The following LCT variants were observed in gnomAD, a reference collection of about 807,000 sequenced individuals.
LCT encodes the protein lactase/phlorizin hydrolase.
A neutral mutation model predicts 173.0 loss-of-function variants in LCT; 90 were observed. That is an observed-to-expected ratio of 0.52 (90% CI 0.44 to 0.62). The LOEUF (loss-of-function observed/expected upper bound fraction) is 0.62. LCT is among the 20% of genes least tolerant of loss of function. The probability of loss-of-function intolerance (pLI) is 0.00; values close to 1 mark genes in which losing one functional copy is unlikely to be tolerated. For missense variants in LCT, 1,864 were observed against 2,431.4 expected, an observed-to-expected ratio of 0.77 and a Z score of 4.91; for synonymous variants, 853 against 957.6, an observed-to-expected ratio of 0.89 and a Z score of 2.02.
intron 13 of LCT, among the ~76,000 whole-genome samples, chr2:135,797,052 A>T (rs2077587762): frequency 6.6e-6 from 1 of 151,336 alleles, no homozygotes; most frequent in African/African-American, 2.4e-5. Context: ...AGCTCAAGCA[A>T]TTCTCTGGCC....
intron 3 of LCT, among the ~76,000 whole-genome samples, chr2:135,825,763 G>A (rs1401712715): frequency 6.6e-6 from 1 of 152,208 alleles, no homozygotes; most frequent in South Asian, 2.1e-4. Context: ...CAGGTGCTCC[G>A]GGGAGAGGGT....
In LCT at chr2:135,834,787, C is replaced by CA. The variant is rs60298631; in HGVS notation, c.641-1598dup. On this transcript the variant is annotated intron_variant, in intron 1 of 16. Transcript: ENST00000264162. ...TGGACAAAAGAGTGAGACTCCATCT[C>CA]AAAAAAAAAAAAAAAAAAAAAAAGA... Among the ~76,000 whole-genome samples the CA allele has an allele frequency of 1.2e-3, 40 of 34,180 alleles. 8 individuals are homozygous for CA. The East Asian group carries it at 0.052, about 44-fold the overall frequency. 22.4% of individuals were successfully genotyped at this position (34,180 alleles called of 152,430 possible).
chr2:135,829,020 G>A (rs1228842441), intron 3 of LCT, among the ~76,000 whole-genome samples: 4 of 152,046 alleles, frequency 2.6e-5, no homozygotes, highest in African/African-American at 9.7e-5. Flanking sequence ...GTGAATCCTT[G>A]CCTCTACCAA....
chr2:135,835,845 G>T (rs1679333217), intron 1 of LCT, among the ~76,000 whole-genome samples: 1 of 150,746 alleles, frequency 6.6e-6, no homozygotes, highest in Non-Finnish European at 1.5e-5. Context: ...AGCCGAGGGG[G>T]AAGGACAGGA....
Position 135,812,421 on chromosome 2 carries a change from A to G in LCT, c.2243T>C (p.Val748Ala). Residue 748 changes from valine (V) to alanine (A), a missense_variant, in exon 7 of 17, where the codon GTT becomes GCT. Val to Ala is a moderately conservative substitution (Grantham distance 64). Transcript: ENST00000264162. ...GCCATTCCCGGCAAGGTATATTGGAACTTTTCCTCTTGTGTATTCCAGGGA... is the reference window on the plus strand; with the variant it reads ...GCCATTCCCGGCAAGGTATATTGGAGCTTTTCCTCTTGTGTATTCCAGGGA... Reference protein sequence around the residue: ...FVSLEYTRGKVPIYLAGNGMP... With the variant: ...FVSLEYTRGKAPIYLAGNGMP... 6.2e-7 allele frequency: 1 copy of G among 1,614,162 alleles called. No homozygotes were observed. Among genetic ancestry groups the G allele is most frequent in the East Asian group, 2.2e-5 (1 of 44,894 alleles).
chr2:135,800,584 A>C (rs1385136280), intron 12 of LCT, 23 bp downstream of exon 12: 1 of 1,579,324 alleles, frequency 6.3e-7, no homozygotes, highest in East Asian at 2.2e-5. Flanking sequence ...GAGTAAGAAC[A>C]AGCGCCCAGA....
chr2:135,822,399 C>G, intron 4 of LCT: 1 of 379,858 alleles, frequency 2.6e-6, no homozygotes, highest in Non-Finnish European at 4.9e-6. Context: ...AAGTAGGGCT[C>G]AAGAATATGC....
intron 1 of LCT, among the ~76,000 whole-genome samples, chr2:135,835,982 A>ATATG (rs1679341266): frequency 4.2e-5 from 1 of 24,026 alleles, no homozygotes; most frequent in African/African-American, 8.9e-5. Flanking sequence ...GTGTGTATAT[A>ATATG]TATATATATA....
intron 13 of LCT, among the ~76,000 whole-genome samples, chr2:135,797,627 C>T (rs984984072): frequency 6.6e-6 from 1 of 152,150 alleles, no homozygotes; most frequent in Non-Finnish European, 1.5e-5. Flanking sequence ...CAAGAAGGGG[C>T]GGGCGGGTAA....
Position 135,794,801 on chromosome 2 carries a change from A to G in LCT, c.4977-26T>C, listed in dbSNP as rs3213891. ...CTGGGTGGAAGAAGCCATTGAGGGC[A>G]GGGCTTCAGGGAGAGCCATGCTTTG... On this transcript the variant is annotated intron_variant, in intron 13 of 16. Transcript: ENST00000264162. 58,284 of 1,613,838 alleles carry G rather than the reference A, an allele frequency of 0.036. 1,729 individuals are homozygous for G. Among genetic ancestry groups the G allele is most frequent in the East Asian group, 0.16 (6,955 of 44,870 alleles).
intron 2 of LCT, among the ~76,000 whole-genome samples, chr2:135,832,774 G>A (rs1032136035): frequency 7.9e-5 from 12 of 152,008 alleles, no homozygotes; most frequent in Non-Finnish European, 1.3e-4. Context: ...GTGAGCCACC[G>A]TGTTTGGCCA....
intron 14 of LCT, among the ~76,000 whole-genome samples, chr2:135,792,247 C>G (rs970359750): frequency 5.9e-5 from 9 of 152,276 alleles, no homozygotes; most frequent in African/African-American, 2.2e-4. Context: ...CTCCCTGTCC[C>G]CAGCTTGAGC....
Position 135,836,965 on chromosome 2 carries a change from G to C in LCT, c.205C>G (p.Pro69Ala). The C allele has an allele frequency of 3.7e-6, 6 of 1,614,144 alleles. No individual in the cohort carries two copies. Among genetic ancestry groups the C allele is most frequent in the Non-Finnish European group, 5.1e-6 (6 of 1,179,998 alleles). Residue 69 changes from proline to alanine, a missense_variant, in exon 1 of 17, where the codon CCC becomes GCC. Physicochemically the swap from Pro to Ala is conservative, Grantham distance 27 (BLOSUM62 -1). Coordinates refer to ENST00000264162, the MANE Select transcript of LCT (RefSeq NM_002299.4). ...KDMYVCHQPL[P>A]TFLPEYFSSL... ...CTGAAGTATTCTGGCAGGAAAGTGGGCAGTGGCTGGTGACAAACATACATG... is the reference window on the plus strand; with the variant it reads ...CTGAAGTATTCTGGCAGGAAAGTGGCCAGTGGCTGGTGACAAACATACATG...
intron 8 of LCT, among the ~76,000 whole-genome samples, chr2:135,807,743 A>C (rs1453061889): frequency 6.6e-6 from 1 of 151,790 alleles, no homozygotes; most frequent in Non-Finnish European, 1.5e-5. Flanking sequence ...CGGGAGATGG[A>C]GGTTGCAGTG....
chr2:135,809,617 G>T lies in LCT; in HGVS notation c.2730C>A (p.Gly910=), dbSNP rs752135039. Residue 910 remains glycine (G), a synonymous_variant, in exon 8 of 17, where the codon GGC becomes GGA. Transcript: ENST00000264162. The surrounding 1 kb of genome is among the most constrained non-coding windows in gnomAD (Gnocchi z 5.5). ...CAATCTGATAAGCGGAAGAGGACACGCCCCACAGAAAGTCATCCCGAAACG... is the reference window on the plus strand; with the variant it reads ...CAATCTGATAAGCGGAAGAGGACACTCCCCACAGAAAGTCATCCCGAAACG... The part of the protein sequence containing the change: ...HGTFRDDFLW[G]VSSSAYQIEG... 1.2e-6 allele frequency: 2 copies of T among 1,614,196 alleles called. No individual in the cohort carries two copies. The highest frequency in any genetic ancestry group is 1.7e-5 in the Admixed American group (1 of 60,022).
Position 135,789,515 on chromosome 2 carries a change from C to G in LCT, c.5563+56G>C, listed in dbSNP as rs1334487665. 17 of 1,224,570 alleles carry G rather than the reference C, an allele frequency of 1.4e-5. No individual in the cohort carries two copies. The South Asian group carries it at 2.1e-4, about 15-fold the overall frequency. 75.9% of individuals were successfully genotyped at this position (1,224,570 alleles called of 1,614,324 possible). ...CTAGAAGAAAACAGACTGAGAGAGG[C>G]CCTTCCACCTGCCCTTCACCCTTAG... On this transcript the variant is annotated intron_variant, in intron 16 of 16. Coordinates refer to ENST00000264162, the MANE Select transcript of LCT (RefSeq NM_002299.4).
intron 11 of LCT, among the ~76,000 whole-genome samples, chr2:135,802,946 T>C (rs2077639474): frequency 6.6e-6 from 1 of 152,028 alleles, no homozygotes. Flanking sequence ...ACCCCATTTC[T>C]ACTAAAAATA....
chr2:135,835,492 A>G lies in LCT; in HGVS notation c.640+1038T>C, dbSNP rs1344720828. Among the ~76,000 whole-genome samples, 34 of 59,480 alleles carry G rather than the reference A, an allele frequency of 5.7e-4. 1 individual carries two copies. The highest frequency in any genetic ancestry group is 1.8e-3 in the South Asian group (3 of 1,674). The allele number at this position is 59,480 out of a possible 152,430, so 39.0% of individuals were successfully genotyped here. On this transcript the variant is annotated intron_variant, in intron 1 of 16. Coordinates refer to ENST00000264162, the MANE Select transcript of LCT (RefSeq NM_002299.4). ...AAGTAGAACATAGAAGTATATATATATATATATATATATATATATATATAT... is the reference window on the plus strand; with the variant it reads ...AAGTAGAACATAGAAGTATATATATGTATATATATATATATATATATATAT...
chr2:135,805,628 TG>T (rs1435512873), intron 9 of LCT, among the ~76,000 whole-genome samples: 5 of 152,204 alleles, frequency 3.3e-5, no homozygotes, highest in African/African-American at 1.2e-4. Context: ...GTGAGCAAAC[TG>T]CCTGCTTGGA....
Sources: gnomAD v4.1 joint callset for allele counts (sites outside exome capture counted in the v4.1 genomes callset) on GRCh38, gnomAD v4.1.1 for gene constraint, Gnocchi (gnomAD v3.1) non-coding constraint, MANE v1.5 for transcripts, NCBI Gene and HGNC (gene_info 2026-07-23, HGNC 2026-07-21) for gene names.